Variants in SPRR2B observed in about 807,000 individuals in gnomAD.
The protein encoded by SPRR2B is small proline-rich protein 2B.
SPRR2B carries 1 observed loss-of-function variant against 1.0 expected under a neutral mutation model. That is an observed-to-expected ratio of 1.01 (90% CI 0.36 to 4.77). SPRR2B has a LOEUF of 4.77. Among genes scored for constraint, SPRR2B ranks in the 30% most tolerant of loss-of-function variants. The pLI, the probability that SPRR2B is intolerant of heterozygous loss-of-function variation, is 0.16. For missense variants in SPRR2B, 53 were observed against 88.7 expected, an observed-to-expected ratio of 0.60 and a Z score of 1.62; for synonymous variants, 27 against 33.4, an observed-to-expected ratio of 0.81 and a Z score of 0.66.
chr1:153,082,831 C>T, the SPRR2B span, among the ~76,000 whole-genome samples: 1 of 151,792 alleles, frequency 6.6e-6, no homozygotes, highest in East Asian at 1.9e-4. Flanking sequence ...AGCTAAACCC[C>T]CCAAAAAGAA....
At chr1:153,080,444 AT>A in the SPRR2B span, among the ~76,000 whole-genome samples, 1 of 152,216 alleles carries the variant, frequency 6.6e-6, no homozygotes, top group Admixed American at 6.5e-5. Flanking sequence ...ACAAGTTAAT[AT>A]ATTTTAAAAG....
At chr1:153,073,695 TCACACACACA>T (rs4041380), upstream of SPRR2B, among the ~76,000 whole-genome samples, 13 of 144,594 alleles carry the variant, frequency 9.0e-5, no homozygotes, top group Non-Finnish European at 1.4e-4. Context: ...GAGGCATACT[TCACACACACA>T]CACACACACA....
At chr1:153,082,135 C>T in the SPRR2B span, among the ~76,000 whole-genome samples, 523 of 151,814 alleles carry the variant, frequency 3.4e-3, 4 homozygotes, top group African/African-American at 0.012. Flanking sequence ...ACATAATCCC[C>T]GATGAAACCA....
chr1:153,078,342 T>A, the SPRR2B span, among the ~76,000 whole-genome samples: 2 of 151,180 alleles, frequency 1.3e-5, no homozygotes, highest in East Asian at 1.9e-4. Flanking sequence ...CATGTATATA[T>A]ATTTCTTTTA....
At chr1:153,083,016 G>A in the SPRR2B span, among the ~76,000 whole-genome samples, 6 of 151,932 alleles carry the variant, frequency 3.9e-5, no homozygotes, top group East Asian at 1.9e-4. Flanking sequence ...AAAGAAAGGA[G>A]GAACATTACA....
In SPRR2B at chr1:153,070,390, G is replaced by C; in HGVS notation, c.*231C>G. ...TCTTTCTGCTGAAGCTCTGGGAACT[G>C]ACAAAGCCAAGGTTCCTTTGCTCAG... On this transcript the variant is annotated 3_prime_UTR_variant, in exon 2 of 2. Coordinates refer to ENST00000368755, the MANE Select transcript of SPRR2B (RefSeq NM_001388198.1). The C allele has an allele frequency of 1.3e-6, 1 of 786,214 alleles. No homozygotes were observed. The highest frequency in any genetic ancestry group is 1.9e-6 in the Non-Finnish European group (1 of 514,750). 48.7% of individuals were successfully genotyped at this position (786,214 alleles called of 1,614,324 possible).
At chr1:153,077,771 C>T in the SPRR2B span, among the ~76,000 whole-genome samples, 13 of 152,164 alleles carry the variant, frequency 8.5e-5, no homozygotes, top group Non-Finnish European at 1.5e-4. Flanking sequence ...TGTGCCACCA[C>T]ACCCAGCTAA....
At position 153,070,396 on chromosome 1, in the gene SPRR2B, G is replaced by A. The variant is rs1010872130; in HGVS notation, c.*225C>T. ...TGCTGAAGCTCTGGGAACTGACAAAGCCAAGGTTCCTTTGCTCAGTCTCCA... is the reference window on the plus strand; with the variant it reads ...TGCTGAAGCTCTGGGAACTGACAAAACCAAGGTTCCTTTGCTCAGTCTCCA... On this transcript the variant is annotated 3_prime_UTR_variant, in exon 2 of 2. Coordinates refer to ENST00000368755, the MANE Select transcript of SPRR2B (RefSeq NM_001388198.1). 3 of 832,804 alleles carry A rather than the reference G, an allele frequency of 3.6e-6. No homozygotes were observed. In the Middle Eastern group the frequency reaches 1.1e-3, roughly 309 times the overall value. 51.6% of individuals were successfully genotyped at this position (832,804 alleles called of 1,614,324 possible).
At chr1:153,076,008 T>C (rs1654761299), upstream of SPRR2B, among the ~76,000 whole-genome samples, 1 of 152,224 alleles carries the variant, frequency 6.6e-6, no homozygotes. Flanking sequence ...TATGTTGATT[T>C]GTTGATTTGA....
At chr1:153,078,367 T>C in the SPRR2B span, among the ~76,000 whole-genome samples, 11 of 128,358 alleles carry the variant, frequency 8.6e-5, no homozygotes, top group African/African-American at 2.9e-4. Context: ...GCTTACTTTC[T>C]GTTTTTTTAT....
chr1:153,070,914 C>G, intron 1 of SPRR2B, 56 bp from the exon 2 acceptor site: 9 of 1,254,690 alleles, frequency 7.2e-6, no homozygotes, highest in Non-Finnish European at 1.0e-5. Flanking sequence ...GAGAGAGAAG[C>G]CAAAGCTTAT....
chr1:153,079,527 G>C, the SPRR2B span, among the ~76,000 whole-genome samples: 1 of 152,112 alleles, frequency 6.6e-6, no homozygotes, highest in Admixed American at 6.5e-5. Flanking sequence ...AATCCATCTT[G>C]AATTAATTTT....
the SPRR2B span, among the ~76,000 whole-genome samples, chr1:153,081,435 T>A: frequency 6.6e-6 from 1 of 152,190 alleles, no homozygotes; most frequent in Non-Finnish European, 1.5e-5. Flanking sequence ...CAACCTAGAA[T>A]CCTATAGCCA....
the SPRR2B span, among the ~76,000 whole-genome samples, chr1:153,078,273 C>CTTTAAGTTTAAGT: frequency 1.3e-5 from 2 of 152,166 alleles, no homozygotes; most frequent in Admixed American, 1.3e-4. Context: ...GAGGTGGCTA[C>CTTTAAGTTTAAGT]ACTAACATCA....
the SPRR2B span, among the ~76,000 whole-genome samples, chr1:153,078,876 C>T: frequency 6.6e-6 from 1 of 152,300 alleles, no homozygotes; most frequent in East Asian, 1.9e-4. Flanking sequence ...TGGGTATATA[C>T]CCAGTAATGG....
At chr1:153,078,569 T>C in the SPRR2B span, among the ~76,000 whole-genome samples, 1 of 151,730 alleles carries the variant, frequency 6.6e-6, no homozygotes, top group Non-Finnish European at 1.5e-5. Context: ...TGTGTCCATG[T>C]GTTCTCATTG....
chr1:153,079,973 A>G, the SPRR2B span, among the ~76,000 whole-genome samples: 1 of 152,240 alleles, frequency 6.6e-6, no homozygotes, highest in South Asian at 2.1e-4. Context: ...CCATTTTCAC[A>G]ATATTGATTC....
the SPRR2B span, among the ~76,000 whole-genome samples, chr1:153,083,378 T>G: frequency 6.6e-6 from 1 of 152,014 alleles, no homozygotes; most frequent in Admixed American, 6.6e-5. Flanking sequence ...ATACAACTAA[T>G]GAAAACTACA....
chr1:153,086,211 C>T, the SPRR2B span, among the ~76,000 whole-genome samples: 3 of 152,018 alleles, frequency 2.0e-5, no homozygotes, highest in Non-Finnish European at 4.4e-5. Flanking sequence ...GGCTATATGC[C>T]CCAATTAAAA....
Sources: allele counts gnomAD v4.1 joint callset (sites outside exome capture counted in the v4.1 genomes callset), GRCh38; gene constraint gnomAD v4.1.1; transcripts MANE v1.5; gene names NCBI Gene and HGNC (gene_info 2026-07-23, HGNC 2026-07-21).